RERG: variants seen among roughly 807,000 people sequenced by gnomAD.
RERG encodes RAS like estrogen regulated growth inhibitor, also known as ras-related and estrogen-regulated growth inhibitor.
A neutral mutation model predicts 23.2 loss-of-function variants in RERG; 25 were observed. The observed-to-expected ratio is 1.08, with a 90% CI of 0.79 to 1.50. The LOEUF is 1.50. Among genes scored for constraint, RERG ranks in the 40% most tolerant of loss-of-function variants. The pLI is 0.00. For missense variants in RERG, 253 were observed against 250.1 expected (o/e 1.01, Z -0.08); for synonymous variants, 81 against 89.1 (o/e 0.91, Z 0.51).
intron 2 of RERG, among the ~76,000 whole-genome samples, chr12:15,163,218 A>G (rs1006320868): frequency 2.6e-5 from 4 of 152,222 alleles, no homozygotes; most frequent in Non-Finnish European, 4.4e-5. Flanking sequence ...AAAAAGAGAA[A>G]TAAATAATAT....
intron 2 of RERG, among the ~76,000 whole-genome samples, chr12:15,215,630 G>T (rs189243309): frequency 2.0e-5 from 3 of 152,086 alleles, no homozygotes; most frequent in Admixed American, 2.0e-4. Flanking sequence ...ATGAATGGGA[G>T]AGTTAAAAAA....
chr12:15,214,042 G>A (rs939053622), intron 2 of RERG, among the ~76,000 whole-genome samples: 2 of 67,682 alleles, frequency 3.0e-5, no homozygotes, highest in African/African-American at 6.8e-5. Context: ...GTGTGTGCGC[G>A]TGTGTGGAGT....
intron 2 of RERG, among the ~76,000 whole-genome samples, chr12:15,139,014 C>CTTTTTTTTTTTTTTTTTTT (rs34755371): frequency 2.0e-5 from 1 of 51,126 alleles, no homozygotes; most frequent in African/African-American, 7.2e-5. Flanking sequence ...TGTGTCTAGA[C>CTTTTTTTTTTTTTTTTTTT]TTTTTTTTTT....
At chr12:15,172,975 C>T (rs970004986) in intron 2 of RERG, among the ~76,000 whole-genome samples, 1 of 151,836 alleles carries the variant, frequency 6.6e-6, no homozygotes, top group Non-Finnish European at 1.5e-5. Context: ...AAAAAGTTTC[C>T]AGTTTTCATA....
chr12:15,198,654 G>A (rs35958131), intron 2 of RERG, among the ~76,000 whole-genome samples: 10,697 of 152,194 alleles, frequency 0.07, 483 homozygotes, highest in East Asian at 0.24. Context: ...TAGATTAGAA[G>A]TATGACACAG....
At chr12:15,123,121 G>A (rs1863867601) in intron 2 of RERG, among the ~76,000 whole-genome samples, 1 of 152,086 alleles carries the variant, frequency 6.6e-6, no homozygotes, top group African/African-American at 2.4e-5. Flanking sequence ...TAACACTAAA[G>A]GCTGCAACCT....
At chr12:15,158,568 C>G (rs1283136257) in intron 2 of RERG, among the ~76,000 whole-genome samples, 1 of 152,110 alleles carries the variant, frequency 6.6e-6, no homozygotes, top group South Asian at 2.1e-4. Flanking sequence ...AAGTGTGAAC[C>G]ATTGTGCCTG....
chr12:15,161,138 A>G (rs559596421), intron 2 of RERG, among the ~76,000 whole-genome samples: 1 of 41,642 alleles, frequency 2.4e-5, no homozygotes, highest in African/African-American at 1.0e-4. Flanking sequence ...CCATCTCAGA[A>G]AAAGAAAGAA....
chr12:15,114,731 C>T (rs1863689921), intron 3 of RERG: 2 of 152,110 alleles, frequency 1.3e-5, no homozygotes, highest in Non-Finnish European at 2.9e-5. Flanking sequence ...CTAGAAAAAA[C>T]CTGGTCCAGG....
intron 2 of RERG, among the ~76,000 whole-genome samples, chr12:15,215,753 A>G (rs1865432488): frequency 1.3e-5 from 2 of 152,166 alleles, no homozygotes; most frequent in South Asian, 4.1e-4. Context: ...AATGAGAGGA[A>G]TAATTGAAAC....
At chr12:15,207,056 C>T (rs1445142939) in intron 2 of RERG, among the ~76,000 whole-genome samples, 1 of 152,084 alleles carries the variant, frequency 6.6e-6, no homozygotes, top group Non-Finnish European at 1.5e-5. Context: ...TGTTAACGTG[C>T]CTGCACCAAG....
chr12:15,120,800 G>C (rs1280874344), intron 3 of RERG, among the ~76,000 whole-genome samples: 1 of 152,014 alleles, frequency 6.6e-6, no homozygotes, highest in East Asian at 1.9e-4. Flanking sequence ...TCTTATGTGA[G>C]GGAAGTGTGT....
chr12:15,182,599 A>G (rs1428952590), intron 2 of RERG, among the ~76,000 whole-genome samples: 1 of 152,222 alleles, frequency 6.6e-6, no homozygotes, highest in Non-Finnish European at 1.5e-5. Flanking sequence ...AAAAAAGATG[A>G]GCCAATTGTG....
At chr12:15,203,013 T>A (rs2136142337) in intron 2 of RERG, among the ~76,000 whole-genome samples, 1 of 151,912 alleles carries the variant, frequency 6.6e-6, no homozygotes, top group Middle Eastern at 3.4e-3. Context: ...TTTTAACAGT[T>A]ATGAGGTGAT....
Position 15,137,897 on chromosome 12 carries a change from C to G in RERG, c.62-16778G>C, listed in dbSNP as rs975459418. On this transcript the variant is annotated intron_variant, in intron 2 of 4. Transcript: ENST00000256953. ...GTACAATCCAGTTTCTGAGATGTAT[C>G]ATTCTCCTTCTCTGAAGAATGTATC... 3.1e-4 allele frequency: 140 copies of G among 446,728 alleles called. 1 individual carries two copies. Among genetic ancestry groups the G allele is most frequent in the African/African-American group, 2.7e-3 (134 of 49,652 alleles). The allele number at this position is 446,728 out of a possible 1,614,324, so 27.7% of individuals were successfully genotyped here.
At chr12:15,130,708 C>CT (rs1340247895) in intron 2 of RERG, among the ~76,000 whole-genome samples, 1 of 152,064 alleles carries the variant, frequency 6.6e-6, no homozygotes. Flanking sequence ...CTAGGGATTG[C>CT]TTTTAAATTA....
At chr12:15,154,737 A>G (rs190451867) in intron 2 of RERG, among the ~76,000 whole-genome samples, 113 of 152,344 alleles carry the variant, frequency 7.4e-4, no homozygotes, top group Non-Finnish European at 1.4e-3. Context: ...CTCACTCGGC[A>G]ATCATATTCA....
rs1328937117 is a variant in RERG, at chr12:15,159,673, A to T, written c.62-38554T>A. Among the ~76,000 whole-genome samples, 5 of 152,044 alleles carry T rather than the reference A, an allele frequency of 3.3e-5. No individual in the cohort carries two copies. In the East Asian group the frequency reaches 9.7e-4, roughly 29 times the overall value. On this transcript the variant is annotated intron_variant, in intron 2 of 4. Transcript: ENST00000256953. ...CCCGTCTCTACTAAAAATACCAAAA[A>T]CTTAGCTGGGCGTGGTGGCGGGCGC...
chr12:15,203,470 C>T (rs1446610640), intron 2 of RERG, among the ~76,000 whole-genome samples: 1 of 151,556 alleles, frequency 6.6e-6, no homozygotes, highest in African/African-American at 2.4e-5. Context: ...ACATTATACT[C>T]AATGTTGAAA....
Sources: allele counts gnomAD v4.1 joint callset (sites outside exome capture counted in the v4.1 genomes callset), GRCh38; gene constraint gnomAD v4.1.1; transcripts MANE v1.5; gene names NCBI Gene and HGNC (gene_info 2026-07-23, HGNC 2026-07-21).